Variants in CFI observed in about 807,000 individuals in gnomAD.
CFI encodes C3B/C4B inactivator.
A neutral mutation model predicts 78.8 loss-of-function variants in CFI; 66 were observed. The observed-to-expected ratio is 0.84, with a 90% CI of 0.69 to 1.03. The LOEUF is 1.03. Ranked by LOEUF, CFI falls within the 50% of genes least tolerant of loss-of-function variation. CFI has a pLI of 0.00. For missense variants in CFI, 706 were observed against 704.5 expected, an observed-to-expected ratio of 1.00 and a Z score of -0.02; for synonymous variants, 250 against 232.6, an observed-to-expected ratio of 1.07 and a Z score of -0.68.
chr4:109,789,205 C>A (rs1731081982), intron 1 of CFI, among the ~76,000 whole-genome samples: 1 of 151,660 alleles, frequency 6.6e-6, no homozygotes, highest in Non-Finnish European at 1.5e-5. Context: ...AACTGTGGGG[C>A]AACTTCAAGT....
intron 3 of CFI, chr4:109,762,535 G>A (rs1320679467): frequency 1.3e-5 from 2 of 152,120 alleles, no homozygotes; most frequent in Non-Finnish European, 2.9e-5. Context: ...CTCTCTAGAA[G>A]TAAATGGGGA....
downstream of CFI, among the ~76,000 whole-genome samples, chr4:109,735,738 G>A (rs937026173): frequency 6.6e-6 from 1 of 152,186 alleles, no homozygotes; most frequent in African/African-American, 2.4e-5. Flanking sequence ...GAGACTTCGG[G>A]GTAAAGCAGG....
downstream of CFI, among the ~76,000 whole-genome samples, chr4:109,740,195 G>T (rs79124099): frequency 0.024 from 3,707 of 152,182 alleles, 155 homozygotes; most frequent in African/African-American, 0.083. Flanking sequence ...GGAGACTGGG[G>T]TGGCATGATT....
chr4:109,742,367 A>G (rs1723905093), intron 12 of CFI, 124 bp downstream of exon 12: 1 of 721,336 alleles, frequency 1.4e-6, no homozygotes, highest in South Asian at 1.5e-5. Flanking sequence ...TGAGAGTGCT[A>G]CAGCCAGAAG....
chr4:109,740,365 G>GAAA (rs1561280062), downstream of CFI, among the ~76,000 whole-genome samples: 101 of 151,752 alleles, frequency 6.7e-4, 1 homozygote, highest in African/African-American at 1.9e-3. Context: ...AAAGAAAGAA[G>GAAA]GAAAGAGAGA....
chr4:109,776,331 G>C (rs910276962), intron 1 of CFI, among the ~76,000 whole-genome samples: 4 of 152,190 alleles, frequency 2.6e-5, no homozygotes, highest in Non-Finnish European at 2.9e-5. Flanking sequence ...GCATGCACAA[G>C]CTTCAGTAGC....
At chr4:109,779,151 A>G (rs6849763) in intron 1 of CFI, among the ~76,000 whole-genome samples, 2,567 of 152,232 alleles carry the variant, frequency 0.017, 88 homozygotes, top group African/African-American at 0.058. Context: ...GGCAAGAGAA[A>G]GAAATAAAGG....
chr4:109,732,144 A>G, the CFI span, among the ~76,000 whole-genome samples: 1 of 152,086 alleles, frequency 6.6e-6, no homozygotes, highest in Non-Finnish European at 1.5e-5. Flanking sequence ...CACTTTCTCT[A>G]TTTATTTACT....
the CFI span, among the ~76,000 whole-genome samples, chr4:109,734,102 G>A: frequency 6.6e-6 from 1 of 152,152 alleles, no homozygotes; most frequent in Non-Finnish European, 1.5e-5. Context: ...AGTCCGGAAT[G>A]CAGAGGTTGC....
At chr4:109,769,684 T>C (rs1728311512) in intron 1 of CFI, among the ~76,000 whole-genome samples, 1 of 152,200 alleles carries the variant, frequency 6.6e-6, no homozygotes, top group Admixed American at 6.5e-5. Context: ...TCATGGTCCA[T>C]GTCTTCTCAG....
intron 2 of CFI, 59 bp downstream of exon 2, chr4:109,766,495 T>A (rs1383320832): frequency 6.4e-7 from 1 of 1,573,498 alleles, no homozygotes; most frequent in African/African-American, 1.3e-5. Context: ...TGATAGAAAG[T>A]ATGGCATACA....
In CFI at chr4:109,749,200, A is replaced by G; in HGVS notation, c.1148+18T>C. ...CATTGTTTCGGGAAATCTAAAATTT[A>G]CTGAAGACATCTTTTACCTGAGACA... On this transcript the variant is annotated intron_variant, in intron 10 of 12. Transcript: ENST00000394634. 4 of 1,594,070 alleles carry G rather than the reference A, an allele frequency of 2.5e-6. No homozygotes were observed. The highest frequency in any genetic ancestry group is 3.4e-6 in the Non-Finnish European group (4 of 1,161,766).
rs1045058921 is a variant in CFI at position 109,771,693 on chromosome 4, A to G, written c.58-4869T>C. On this transcript the variant is annotated intron_variant, in intron 1 of 12. Coordinates refer to ENST00000394634, the MANE Select transcript of CFI (RefSeq NM_000204.5). ...CGCACCAGTGCACTCCAGCCTGGGC[A>G]ACACAGCAAGACTCCATCACCAAAA... Among the ~76,000 whole-genome samples, 9 of 141,842 alleles carry G rather than the reference A, an allele frequency of 6.3e-5. No homozygotes were observed. In the Admixed American group the frequency reaches 6.9e-4, roughly 11 times the overall value. The allele number at this position is 141,842 out of a possible 152,430, so 93.1% of individuals were successfully genotyped here.
At chr4:109,742,411 G>A (rs1029860607) in intron 12 of CFI, 80 bp downstream of exon 12, 2 of 937,154 alleles carry the variant, frequency 2.1e-6, no homozygotes, top group Non-Finnish European at 3.5e-6. Flanking sequence ...CAAAGCATGG[G>A]GGCTGATGTG....
intron 12 of CFI, 42 bp from the exon 13 acceptor site, chr4:109,741,152 C>T: frequency 6.2e-7 from 1 of 1,612,982 alleles, no homozygotes; most frequent in Non-Finnish European, 8.5e-7. Flanking sequence ...CATTTCCTTC[C>T]ATTTTTCAAG....
Position 109,742,555 on chromosome 4 carries a change from T to A in CFI, c.1470A>T (p.Lys490Asn), listed in dbSNP as rs1458122971. The change falls in exon 12 of 13, where the codon AAA (lysine) becomes AAT (asparagine). Residue 490 changes from lysine (K) to asparagine (N), a missense_variant. Transcript: ENST00000394634. ...AAAACTTAGAGCAGTTGCTTATTAGTTTAACTTCACCCCACTGAAGTGAAA... is the reference window on the plus strand; with the variant it reads ...AAAACTTAGAGCAGTTGCTTATTAGATTAACTTCACCCCACTGAAGTGAAA... ...RVFSLQWGEV[K>N]LISNCSKFYG... 5.6e-6 allele frequency: 9 copies of A among 1,613,542 alleles called. No homozygotes were observed. The Admixed American group carries it at 1.5e-4, about 27-fold the overall frequency.
intron 1 of CFI, among the ~76,000 whole-genome samples, chr4:109,774,649 CT>C (rs1289766786): frequency 1.3e-5 from 2 of 152,168 alleles, no homozygotes; most frequent in Non-Finnish European, 2.9e-5. Flanking sequence ...TCATAAAGCC[CT>C]TGGAGGGTGT....
At chr4:109,753,513 TAAA>T (rs1561293804) in intron 7 of CFI, among the ~76,000 whole-genome samples, 3 of 31,310 alleles carry the variant, frequency 9.6e-5, no homozygotes, top group Non-Finnish European at 1.2e-4. Context: ...ATTTATTATA[TAAA>T]TAAATATTTA....
At chr4:109,763,986 A>C (rs1727403220) in intron 3 of CFI, among the ~76,000 whole-genome samples, 1 of 148,700 alleles carries the variant, frequency 6.7e-6, no homozygotes, top group Non-Finnish European at 1.5e-5. Flanking sequence ...AAGTATATAT[A>C]CTATAATTAT....
Sources: allele counts gnomAD v4.1 joint callset (sites outside exome capture counted in the v4.1 genomes callset), GRCh38; gene constraint gnomAD v4.1.1; transcripts MANE v1.5; gene names NCBI Gene and HGNC (gene_info 2026-07-23, HGNC 2026-07-21).